The following TRANK1 variants were observed in gnomAD, a reference collection of about 807,000 sequenced individuals.
The protein encoded by TRANK1 is TPR and ankyrin repeat-containing protein 1.
Under a neutral mutation model 266.0 loss-of-function variants are expected in TRANK1, and 198 were observed. That is an observed-to-expected ratio of 0.74 (90% CI 0.66 to 0.84). TRANK1 has a LOEUF of 0.84. Among genes scored for constraint, TRANK1 ranks in the 40% least tolerant of loss-of-function variants. The pLI is 0.00. For missense variants in TRANK1, 3,326 were observed against 3,634.6 expected, an observed-to-expected ratio of 0.92 and a Z score of 2.18; for synonymous variants, 1,396 against 1,384.1, an observed-to-expected ratio of 1.01 and a Z score of -0.19.
At position 36,850,719 on chromosome 3, in the gene TRANK1, C is replaced by T. The variant is rs2078974353; in HGVS notation, c.4887+1000G>A. 4.1e-6 allele frequency: 4 copies of T among 983,520 alleles called. No homozygotes were observed. The South Asian group carries it at 1.4e-4, about 35-fold the overall frequency. 60.9% of individuals were successfully genotyped at this position (983,520 alleles called of 1,614,324 possible). A position where few individuals can be genotyped will look rare whatever the true frequency, so the allele number is the denominator to read the frequency against. On this transcript the variant is annotated intron_variant, in intron 15 of 23. Coordinates refer to ENST00000645898, the MANE Select transcript of TRANK1 (RefSeq NM_001329998.2). ...AAAAAGTACTCTGTAAACTGCAAAG[C>T]ACCTATATCAATATTGTAATAGTTG...
chr3:36,852,434 G>C, intron 13 of TRANK1, 89 bp from the exon 14 acceptor site: 6 of 1,287,894 alleles, frequency 4.7e-6, no homozygotes, highest in Non-Finnish European at 6.3e-6. Flanking sequence ...TTTTTCCTGA[G>C]AAGCAGGTTT....
chr3:36,908,546 C>G, intron 1 of TRANK1, 92 bp from the exon 2 acceptor site: 1 of 1,231,386 alleles, frequency 8.1e-7, no homozygotes, highest in Non-Finnish European at 1.0e-6. Flanking sequence ...AGAAGGAGTT[C>G]GCTCACTATG....
Position 36,858,717 on chromosome 3 carries a change from C to T in TRANK1, c.1672+1G>A, listed in dbSNP as rs766024266. 35 of 1,518,464 alleles carry T rather than the reference C, an allele frequency of 2.3e-5. No individual in the cohort carries two copies. Among genetic ancestry groups the T allele is most frequent in the Non-Finnish European group, 2.9e-5 (33 of 1,137,188 alleles). The allele number at this position is 1,518,464 out of a possible 1,614,324, so 94.1% of individuals were successfully genotyped here. On this transcript the variant is annotated splice_donor_variant, in intron 12 of 23. Coordinates refer to ENST00000645898, the MANE Select transcript of TRANK1 (RefSeq NM_001329998.2). LOFTEE classifies it high-confidence loss of function. ...CGGCTGCTTAAAAAACAAGGGCTTACCTTTAATCTCTAGAAAGATGTGGAG... is the reference window on the plus strand; with the variant it reads ...CGGCTGCTTAAAAAACAAGGGCTTATCTTTAATCTCTAGAAAGATGTGGAG...
chr3:36,837,713 G>A (rs2078789076), intron 20 of TRANK1, among the ~76,000 whole-genome samples: 1 of 152,196 alleles, frequency 6.6e-6, no homozygotes, highest in South Asian at 2.1e-4. Context: ...TTTATCTTCT[G>A]TGTTAATCTT....
At chr3:36,884,933 G>GAAAAAAAAAAAAAAAAAAAAAAAAAAA (rs201019383) in intron 8 of TRANK1, among the ~76,000 whole-genome samples, 1 of 109,560 alleles carries the variant, frequency 9.1e-6, no homozygotes, top group Admixed American at 9.4e-5. Flanking sequence ...CTCTGTCTCA[G>GAAAAAAAAAAAAAAAAAAAAAAAAAAA]AAAAAAAAAA....
intron 5 of TRANK1, 108 bp downstream of exon 5, chr3:36,895,532 T>C (rs932554310): frequency 7.7e-6 from 5 of 647,336 alleles, no homozygotes; most frequent in African/African-American, 3.7e-5. Context: ...AAATTTACCC[T>C]GGCATCAAGA....
intron 23 of TRANK1, 98 bp from the exon 24 acceptor site, chr3:36,828,473 G>A: frequency 1.1e-6 from 1 of 889,032 alleles, no homozygotes; most frequent in Non-Finnish European, 1.7e-6. Flanking sequence ...GAGGAAGGGA[G>A]GAAGGAAGAA....
intron 1 of TRANK1, among the ~76,000 whole-genome samples, chr3:36,919,428 A>G (rs2080182826): frequency 6.6e-6 from 1 of 152,212 alleles, no homozygotes; most frequent in Non-Finnish European, 1.5e-5. Flanking sequence ...TCCATGTGAG[A>G]CTCAACTATA....
Position 36,832,820 on chromosome 3 carries a change from A to G in TRANK1, c.6763T>C (p.Tyr2255His), listed in dbSNP as rs1334644408. The change falls in exon 22 of 24, where the codon TAT becomes CAT. Residue 2255 changes from tyrosine (Y) to histidine (H), a missense_variant. Physicochemically the swap from Tyr to His is moderately conservative, Grantham distance 83. Coordinates refer to ENST00000645898, the MANE Select transcript of TRANK1 (RefSeq NM_001329998.2). ...CCATACATATCTGTAGACAAAATAT[A>G]ATCAATTTCTTTAAGTTCTTCTGCT... ...ILAEELKEID[Y>H]ILSTDMYGLC... is the part of the protein sequence containing the mutation. 6.2e-7 allele frequency: 1 copy of G among 1,613,920 alleles called. No individual in the cohort carries two copies.
At chr3:36,892,877 A>G in intron 6 of TRANK1, 24 bp downstream of exon 6, 1 of 930,198 alleles carries the variant, frequency 1.1e-6, no homozygotes, top group Non-Finnish European at 1.4e-6. Context: ...ATATAGATAT[A>G]TATAGATATA....
Position 36,851,377 on chromosome 3 carries a change from C to T in TRANK1, c.4887+342G>A, listed in dbSNP as rs2078982498. The T allele has an allele frequency of 1.3e-5, 14 of 1,038,856 alleles. No homozygotes were observed. The South Asian group carries it at 5.5e-4, about 41-fold the overall frequency. The allele number at this position is 1,038,856 out of a possible 1,614,324, so 64.4% of individuals were successfully genotyped here. On this transcript the variant is annotated intron_variant, in intron 15 of 23. Coordinates refer to ENST00000645898, the MANE Select transcript of TRANK1 (RefSeq NM_001329998.2). ...TGGACATTGCTAACCTTGGCTTCATCTGTAAGGCTCTCCTTAGAGCTTGCT... is the reference window on the plus strand; with the variant it reads ...TGGACATTGCTAACCTTGGCTTCATTTGTAAGGCTCTCCTTAGAGCTTGCT...
At position 36,856,008 on chromosome 3, in the gene TRANK1, C is replaced by A. The variant is rs372274591; in HGVS notation, c.3714G>T (p.Glu1238Asp). ...TGGAAGTGACAAACAGAGGAAAGTT[C>A]TCGTCCCTCAGGTCCTGGAGTTTGT... ...NIHKLQDLRD[E>D]NFPLFVTSKQ... The change falls in exon 13 of 24, where the codon GAG (glutamate) becomes GAT (aspartate). Residue 1238 changes from glutamate to aspartate, a missense_variant. Coordinates refer to ENST00000645898, the MANE Select transcript of TRANK1 (RefSeq NM_001329998.2). 5.0e-5 allele frequency: 81 copies of A among 1,613,572 alleles called. 1 individual carries two copies. Among genetic ancestry groups the A allele is most frequent in the Non-Finnish European group, 6.8e-5 (80 of 1,179,870 alleles).
chr3:36,921,430 A>G (rs796192153), intron 1 of TRANK1, among the ~76,000 whole-genome samples: 19 of 152,348 alleles, frequency 1.2e-4, no homozygotes, highest in African/African-American at 4.1e-4. Flanking sequence ...TGCGGCACCG[A>G]AAATTTATTT....
At chr3:36,871,568 A>G (rs1350032296) in intron 9 of TRANK1, among the ~76,000 whole-genome samples, 1 of 152,144 alleles carries the variant, frequency 6.6e-6, no homozygotes, top group Non-Finnish European at 1.5e-5. Context: ...AGCATTCCAC[A>G]ATGACCTACT....
At chr3:36,850,332 G>A in intron 15 of TRANK1, 1 of 985,414 alleles carries the variant, frequency 1.0e-6, no homozygotes, top group Non-Finnish European at 1.2e-6. Flanking sequence ...CACTAATTGT[G>A]GAAGGTTCTG....
chr3:36,912,325 T>G (rs1416021047), intron 1 of TRANK1, among the ~76,000 whole-genome samples: 2 of 152,200 alleles, frequency 1.3e-5, no homozygotes, highest in Non-Finnish European at 2.9e-5. Flanking sequence ...AATTCCAACC[T>G]AGGTGGCCTC....
chr3:36,893,009 T>C (rs2079731561), intron 5 of TRANK1, 25 bp from the exon 6 acceptor site: 1 of 1,431,674 alleles, frequency 7.0e-7, no homozygotes, highest in Non-Finnish European at 9.3e-7. Context: ...CAGAAAAGGC[T>C]GGAATAATAA....
At chr3:36,892,129 C>A in intron 7 of TRANK1, 73 bp downstream of exon 7, 1 of 1,468,802 alleles carries the variant, frequency 6.8e-7, no homozygotes, top group East Asian at 2.5e-5. Context: ...TCTAGTTTCA[C>A]TTGAGCTCAA....
At chr3:36,916,693 C>G (rs2080128872) in intron 1 of TRANK1, among the ~76,000 whole-genome samples, 1 of 152,132 alleles carries the variant, frequency 6.6e-6, no homozygotes, top group African/African-American at 2.4e-5. Context: ...ATTTCATGGG[C>G]TTGAGAGTGG....
Sources: allele counts gnomAD v4.1 joint callset (sites outside exome capture counted in the v4.1 genomes callset), GRCh38; gene constraint gnomAD v4.1.1; transcripts MANE v1.5; gene names NCBI Gene and HGNC (gene_info 2026-07-23, HGNC 2026-07-21).